Variants in GLI3 observed in about 807,000 individuals in gnomAD.
The protein encoded by GLI3 is GLI family zinc finger 3.
In GLI3, 20 loss-of-function variants were observed where a neutral mutation model predicts 100.8. The ratio of observed to expected loss-of-function variants is 0.20; its 90% CI spans 0.14 to 0.29. The LOEUF is 0.29. Among genes scored for constraint, GLI3 ranks in the 10% least tolerant of loss-of-function variants. The pLI, the probability that GLI3 is intolerant of heterozygous loss-of-function variation, is 1.00. For missense variants in GLI3, 2,040 were observed against 2,128.5 expected, an observed-to-expected ratio of 0.96 and a Z score of 0.82; for synonymous variants, 938 against 860.5, an observed-to-expected ratio of 1.09 and a Z score of -1.58.
intron 2 of GLI3, among the ~76,000 whole-genome samples, chr7:42,153,540 T>G (rs1048254000): frequency 1.7e-5 from 2 of 116,634 alleles, no homozygotes; most frequent in East Asian, 2.4e-4. Context: ...CCAGCCAAAA[T>G]GAAGGGAGGA....
intron 4 of GLI3, among the ~76,000 whole-genome samples, chr7:42,076,003 G>A (rs1028775919): frequency 2.0e-5 from 3 of 152,172 alleles, no homozygotes; most frequent in African/African-American, 7.2e-5. Flanking sequence ...TATTAGATAT[G>A]AATAAATGTA....
chr7:42,107,472 A>G (rs922288277), intron 3 of GLI3, among the ~76,000 whole-genome samples: 5 of 152,230 alleles, frequency 3.3e-5, no homozygotes, highest in African/African-American at 9.6e-5. Flanking sequence ...GGCATAAGAA[A>G]CAGGTCGCAG....
At chr7:42,217,899 C>G (rs530190192) in intron 2 of GLI3, among the ~76,000 whole-genome samples, 4 of 152,304 alleles carry the variant, frequency 2.6e-5, no homozygotes, top group Admixed American at 6.5e-5. Context: ...CAGAGGCTAA[C>G]GTTTGCAGAG....
chr7:42,173,554 T>C (rs1583620984), intron 2 of GLI3, among the ~76,000 whole-genome samples: 1 of 152,312 alleles, frequency 6.6e-6, no homozygotes, highest in African/African-American at 2.4e-5. Context: ...TCCTGTATTT[T>C]CCTGTCCTCT....
chr7:42,171,080 C>T (rs1787363414), intron 2 of GLI3, among the ~76,000 whole-genome samples: 1 of 152,196 alleles, frequency 6.6e-6, no homozygotes, highest in Non-Finnish European at 1.5e-5. Context: ...CTCTATACAG[C>T]TCTAGGAACT....
chr7:42,190,025 T>C (rs1787795448), intron 2 of GLI3, among the ~76,000 whole-genome samples: 1 of 148,668 alleles, frequency 6.7e-6, no homozygotes, highest in South Asian at 2.1e-4. Context: ...CACAGAGAAC[T>C]ATATTTTGCA....
intron 7 of GLI3, among the ~76,000 whole-genome samples, chr7:42,037,876 C>G (rs1376312949): frequency 6.6e-6 from 1 of 152,206 alleles, no homozygotes; most frequent in African/African-American, 2.4e-5. Context: ...ACCAGGAGAC[C>G]GTAAGGACTA....
chr7:41,986,153 T>C (rs1787817074), intron 10 of GLI3, among the ~76,000 whole-genome samples: 1 of 152,244 alleles, frequency 6.6e-6, no homozygotes, highest in African/African-American at 2.4e-5. Flanking sequence ...TTCTTATTTC[T>C]GATTTGTGAA....
At chr7:42,012,792 G>T (rs1004465533) in intron 10 of GLI3, among the ~76,000 whole-genome samples, 3 of 152,228 alleles carry the variant, frequency 2.0e-5, no homozygotes, top group Non-Finnish European at 2.9e-5. Context: ...GAGGAATACA[G>T]TGAGGGCTGT....
intron 10 of GLI3, among the ~76,000 whole-genome samples, chr7:42,016,883 C>A (rs1172819779): frequency 6.6e-6 from 1 of 152,206 alleles, no homozygotes; most frequent in Non-Finnish European, 1.5e-5. Context: ...ATTATGGCTT[C>A]TTTATGTTTC....
intron 3 of GLI3, among the ~76,000 whole-genome samples, chr7:42,115,858 T>C (rs556282160): frequency 6.6e-6 from 1 of 152,178 alleles, no homozygotes; most frequent in East Asian, 1.9e-4. Context: ...GCACATTATA[T>C]AATTTGGGGT....
intron 4 of GLI3, among the ~76,000 whole-genome samples, chr7:42,049,725 C>T (rs966255781): frequency 2.6e-5 from 4 of 151,902 alleles, no homozygotes; most frequent in Non-Finnish European, 1.5e-5. Context: ...GTCTGCATAA[C>T]CTCCTGGACC....
intron 3 of GLI3, among the ~76,000 whole-genome samples, chr7:42,112,662 T>C (rs565015749): frequency 6.6e-6 from 1 of 152,244 alleles, no homozygotes; most frequent in South Asian, 2.1e-4. Flanking sequence ...ATACTTCTAA[T>C]CCCAACCAAC....
chr7:42,128,788 G>T (rs1306269748), intron 3 of GLI3, among the ~76,000 whole-genome samples: 1 of 152,044 alleles, frequency 6.6e-6, no homozygotes. Flanking sequence ...GGAAGTCCAT[G>T]GGTCTTAACA....
chr7:42,162,587 T>G (rs1426234262), intron 2 of GLI3, among the ~76,000 whole-genome samples: 1 of 152,124 alleles, frequency 6.6e-6, no homozygotes, highest in Non-Finnish European at 1.5e-5. Context: ...CCAAGAAGAG[T>G]TGATGAAAAC....
chr7:41,998,897 A>C (rs1788206494), intron 10 of GLI3, among the ~76,000 whole-genome samples: 1 of 152,186 alleles, frequency 6.6e-6, no homozygotes, highest in African/African-American at 2.4e-5. Context: ...AACCTACTTC[A>C]ATGTCCTATT....
At chr7:42,210,163 C>T (rs1462361767) in intron 2 of GLI3, among the ~76,000 whole-genome samples, 1 of 152,000 alleles carries the variant, frequency 6.6e-6, no homozygotes, top group African/African-American at 2.4e-5. Context: ...CCTTAGATTT[C>T]ATATTGGGCT....
chr7:42,010,749 G>A (rs1334782841), intron 10 of GLI3, among the ~76,000 whole-genome samples: 1 of 152,158 alleles, frequency 6.6e-6, no homozygotes, highest in African/African-American at 2.4e-5. Flanking sequence ...TATGCACCAA[G>A]CAGCCATTAA....
At chr7:42,092,049 C>T (rs532296628) in intron 3 of GLI3, among the ~76,000 whole-genome samples, 119 of 152,336 alleles carry the variant, frequency 7.8e-4, no homozygotes, top group Non-Finnish European at 1.1e-3. Context: ...GGCAACAGTG[C>T]GTGGAGCTCA....
Sources: gnomAD v4.1 joint callset for allele counts (sites outside exome capture counted in the v4.1 genomes callset) on GRCh38, gnomAD v4.1.1 for gene constraint, MANE v1.5 for transcripts, NCBI Gene and HGNC (gene_info 2026-07-23, HGNC 2026-07-21) for gene names.